Variants in SARS1 observed in about 807,000 individuals in gnomAD.
SARS1 encodes seryl-tRNA synthetase 1.
A neutral mutation model predicts 63.7 loss-of-function variants in SARS1; 25 were observed. The ratio of observed to expected loss-of-function variants is 0.39; its 90% CI spans 0.29 to 0.55. The LOEUF (loss-of-function observed/expected upper bound fraction) is 0.55, where lower values mean the gene tolerates loss of function less well. Ranked by LOEUF, SARS1 falls within the 20% of genes least tolerant of loss-of-function variation. The pLI, the probability that SARS1 is intolerant of heterozygous loss-of-function variation, is 0.62. For missense variants in SARS1, 417 were observed against 649.7 expected (o/e 0.64, Z 3.89); for synonymous variants, 231 against 243.5 (o/e 0.95, Z 0.48).
At position 109,216,993 on chromosome 1, in the gene SARS1, G is replaced by C. The variant is rs1355970965; in HGVS notation, c.136+2865G>C. The C allele has an allele frequency of 4.1e-6, 4 of 985,272 alleles. No homozygotes were observed. The African/African-American group carries it at 7.0e-5, about 17-fold the overall frequency. 61.0% of individuals were successfully genotyped at this position (985,272 alleles called of 1,614,324 possible). A position where few individuals can be genotyped will look rare whatever the true frequency, so the allele number is the denominator to read the frequency against. On this transcript the variant is annotated intron_variant, in intron 1 of 10. Transcript: ENST00000234677. ...CAGGTCCTTATCATTGTTTGCCCCA[G>C]CAACTGGAATAGCTTTCTATCTGCT...
intron 2 of SARS1, among the ~76,000 whole-genome samples, chr1:109,226,053 C>T (rs1570757686): frequency 1.3e-5 from 2 of 151,958 alleles, no homozygotes; most frequent in African/African-American, 4.8e-5. Context: ...AGCGCAGTGG[C>T]ACAATCATGG....
chr1:109,214,564 G>T lies in SARS1; in HGVS notation c.136+436G>T. 1.0e-6 allele frequency: 1 copy of T among 990,094 alleles called. No homozygotes were observed. Among genetic ancestry groups the T allele is most frequent in the Non-Finnish European group, 1.2e-6 (1 of 832,576 alleles). The allele number at this position is 990,094 out of a possible 1,614,324, so 61.3% of individuals were successfully genotyped here. A position where few individuals can be genotyped will look rare whatever the true frequency, so the allele number is the denominator to read the frequency against. On this transcript the variant is annotated intron_variant, in intron 1 of 10. Transcript: ENST00000234677. The surrounding 1 kb of genome is among the most constrained non-coding windows in gnomAD (Gnocchi z 4.6). ...TTTGATAGGATCAAAGGCTTCTCCT[G>T]AGACTGCGTCACTTCTGCAACACAG...
intron 4 of SARS1, among the ~76,000 whole-genome samples, chr1:109,230,107 G>A (rs936455686): frequency 6.6e-6 from 1 of 151,920 alleles, no homozygotes; most frequent in African/African-American, 2.4e-5. Flanking sequence ...CACAGACCAC[G>A]AGACGACTCT....
chr1:109,225,602 G>A (rs1440444963), intron 2 of SARS1, among the ~76,000 whole-genome samples: 2 of 152,178 alleles, frequency 1.3e-5, no homozygotes, highest in African/African-American at 4.8e-5. Context: ...CATTGAAATG[G>A]TAATGATAGT....
intron 8 of SARS1, 128 bp downstream of exon 8, chr1:109,236,234 ACT>A (rs1321636356): frequency 7.7e-7 from 1 of 1,306,918 alleles, no homozygotes; most frequent in Non-Finnish European, 1.1e-6. Context: ...AAAATATTAC[ACT>A]CTTCTCACTT....
chr1:109,228,328 G>A (rs1166614204), intron 2 of SARS1, 24 bp from the exon 3 acceptor site: 3 of 1,554,264 alleles, frequency 1.9e-6, no homozygotes, highest in Non-Finnish European at 2.7e-6. Flanking sequence ...ATTTATTTGT[G>A]TTGGGTTTTT....
intron 2 of SARS1, among the ~76,000 whole-genome samples, chr1:109,226,799 G>C (rs1655099978): frequency 7.0e-6 from 1 of 143,284 alleles, no homozygotes; most frequent in Non-Finnish European, 1.5e-5. Context: ...TGCCCAGGCT[G>C]GTCTTGAACT....
intron 4 of SARS1, among the ~76,000 whole-genome samples, 168 bp from the exon 5 acceptor site, chr1:109,230,710 T>G (rs760595068): frequency 6.6e-5 from 10 of 151,574 alleles, no homozygotes; most frequent in African/African-American, 9.7e-5. Context: ...GAGGCTGAGG[T>G]GGGAGGATCA....
At position 109,215,043 on chromosome 1, in the gene SARS1, A is replaced by G. The variant is rs925168489; in HGVS notation, c.136+915A>G. 3 of 985,386 alleles carry G rather than the reference A, an allele frequency of 3.0e-6. No individual in the cohort carries two copies. In the African/African-American group the frequency reaches 5.2e-5, roughly 17 times the overall value. The allele number at this position is 985,386 out of a possible 1,614,324, so 61.0% of individuals were successfully genotyped here. Reference sequence around the variant, plus strand: ...ATCTGGGAGCTAGGTCGATGACAGTACACTGCAAAGGCAGCCACTATCCAA... The same window carrying G: ...ATCTGGGAGCTAGGTCGATGACAGTGCACTGCAAAGGCAGCCACTATCCAA... On this transcript the variant is annotated intron_variant, in intron 1 of 10. Coordinates refer to ENST00000234677, the MANE Select transcript of SARS1 (RefSeq NM_006513.4).
At chr1:109,234,053 A>G (rs1416558082) in intron 6 of SARS1, among the ~76,000 whole-genome samples, 1 of 141,608 alleles carries the variant, frequency 7.1e-6, no homozygotes, top group Non-Finnish European at 1.5e-5. Flanking sequence ...TTTTTTTTGT[A>G]TTTTTAGTAG....
chr1:109,231,159 G>A (rs1015371076), intron 5 of SARS1, 138 bp downstream of exon 5: 1 of 478,036 alleles, frequency 2.1e-6, no homozygotes, highest in Non-Finnish European at 3.1e-6. Flanking sequence ...TTGCCTTTCT[G>A]CAAATGTATT....
intron 4 of SARS1, among the ~76,000 whole-genome samples, chr1:109,230,446 G>A (rs945088683): frequency 3.9e-5 from 6 of 152,114 alleles, no homozygotes; most frequent in South Asian, 2.1e-4. Flanking sequence ...TGAGTTAAGC[G>A]ATGACTTCAC....
intron 1 of SARS1, among the ~76,000 whole-genome samples, chr1:109,220,580 A>G (rs1654906004): frequency 6.6e-6 from 1 of 152,208 alleles, no homozygotes; most frequent in African/African-American, 2.4e-5. Context: ...AGTGGTTTGT[A>G]GGAATTATTT....
chr1:109,228,967 A>G (rs1238705065), intron 3 of SARS1, among the ~76,000 whole-genome samples: 1 of 152,230 alleles, frequency 6.6e-6, no homozygotes, highest in African/African-American at 2.4e-5. Context: ...AACACCTGCA[A>G]TACAGAATAC....
chr1:109,236,334 G>T, intron 8 of SARS1, 57 bp from the exon 9 acceptor site: 7 of 1,532,032 alleles, frequency 4.6e-6, no homozygotes, highest in Non-Finnish European at 6.2e-6. Context: ...CTTGCTAAAG[G>T]TTAGCCTTCT....
Position 109,231,799 on chromosome 1 carries a change from G to T in SARS1, c.747+13G>T. 1.3e-6 allele frequency: 2 copies of T among 1,503,774 alleles called. No individual in the cohort carries two copies. The highest frequency in any genetic ancestry group is 1.3e-5 in the South Asian group (1 of 74,112). The allele number at this position is 1,503,774 out of a possible 1,614,324, so 93.2% of individuals were successfully genotyped here. On this transcript the variant is annotated intron_variant, in intron 6 of 10. Coordinates refer to ENST00000234677, the MANE Select transcript of SARS1 (RefSeq NM_006513.4). ...AGAACTTTATAAGGTGAGTAGCCTG[G>T]GTCAGGTGACAGAATGACTTCTTAA... is the stretch of plus-strand genomic sequence containing the variant.
At chr1:109,233,484 CTT>C (rs11375361) in intron 6 of SARS1, among the ~76,000 whole-genome samples, 1 of 146,140 alleles carries the variant, frequency 6.8e-6, no homozygotes, top group Non-Finnish European at 1.5e-5. Context: ...TTCTTCCTTA[CTT>C]TTTTTTTTTT....
Position 109,231,746 on chromosome 1 carries a change from A to T in SARS1, c.707A>T (p.Glu236Val). The T allele has an allele frequency of 6.3e-7, 1 of 1,587,108 alleles. No homozygotes were observed. Among genetic ancestry groups the T allele is most frequent in the Non-Finnish European group, 8.6e-7 (1 of 1,168,892 alleles). The change falls in exon 6 of 11, where the codon GAG becomes GTG. Residue 236 changes from glutamate to valine, a missense_variant. Coordinates refer to ENST00000234677, the MANE Select transcript of SARS1 (RefSeq NM_006513.4). ...PFFMRKEVMQ[E>V]VAQLSQFDEE... ...TTCATGAGGAAGGAGGTCATGCAGG[A>T]GGTGGCACAGCTCAGCCAGTTTGAT...
intron 1 of SARS1, among the ~76,000 whole-genome samples, chr1:109,220,005 A>AATGTTT (rs1475835867): frequency 6.6e-6 from 1 of 152,294 alleles, no homozygotes; most frequent in African/African-American, 2.4e-5. Context: ...ATAAGCTTCT[A>AATGTTT]GAGACTCTTT....
Sources: gnomAD v4.1 joint callset for allele counts (sites outside exome capture counted in the v4.1 genomes callset) on GRCh38, gnomAD v4.1.1 for gene constraint, Gnocchi (gnomAD v3.1) non-coding constraint, MANE v1.5 for transcripts, NCBI Gene and HGNC (gene_info 2026-07-23, HGNC 2026-07-21) for gene names.